SPAG16: variants seen among roughly 807,000 people sequenced by gnomAD.
SPAG16 encodes sperm associated antigen 16, also known as sperm-associated antigen 16 protein.
SPAG16 carries 86 observed loss-of-function variants against 80.4 expected under a neutral mutation model. That is an observed-to-expected ratio of 1.07 (90% CI 0.90 to 1.28). The LOEUF (loss-of-function observed/expected upper bound fraction) is 1.28, where lower values mean the gene tolerates loss of function less well. SPAG16 is among the 50% of genes most tolerant of loss of function. The pLI is 0.00. For synonymous variants in SPAG16, 294 were observed against 265.9 expected, an observed-to-expected ratio of 1.11 and a Z score of -1.03; for missense variants, 870 against 765.3, an observed-to-expected ratio of 1.14 and a Z score of -1.61.
At chr2:213,436,541 G>C (rs1468175821) in intron 9 of SPAG16, among the ~76,000 whole-genome samples, 1 of 151,898 alleles carries the variant, frequency 6.6e-6, no homozygotes, top group Non-Finnish European at 1.5e-5. Flanking sequence ...TCAATGTATT[G>C]TCCAGTCAAG....
At chr2:214,200,936 T>C (rs956035646) in intron 15 of SPAG16, among the ~76,000 whole-genome samples, 1 of 152,162 alleles carries the variant, frequency 6.6e-6, no homozygotes, top group Admixed American at 6.5e-5. Context: ...TGGGAAGACA[T>C]TGTCTGAGAC....
chr2:214,370,693 A>G (rs1258875941), intron 15 of SPAG16, among the ~76,000 whole-genome samples: 4 of 152,200 alleles, frequency 2.6e-5, no homozygotes, highest in Admixed American at 6.6e-5. Context: ...GCATTCATAG[A>G]AGCAGAGAGC....
intron 5 of SPAG16, among the ~76,000 whole-genome samples, chr2:213,324,988 T>A (rs1313225083): frequency 6.6e-6 from 1 of 152,122 alleles, no homozygotes; most frequent in African/African-American, 2.4e-5. Context: ...TGTATACAAA[T>A]GATATTAAAC....
chr2:213,756,176 T>TA (rs1041322727), intron 10 of SPAG16, among the ~76,000 whole-genome samples: 41 of 151,496 alleles, frequency 2.7e-4, no homozygotes, highest in African/African-American at 5.3e-4. Flanking sequence ...CAATAGGTGT[T>TA]AAAAAAAAGA....
chr2:213,803,780 C>A (rs534736786), intron 10 of SPAG16, among the ~76,000 whole-genome samples: 1 of 152,166 alleles, frequency 6.6e-6, no homozygotes, highest in Non-Finnish European at 1.5e-5. Context: ...CTCTGTCACC[C>A]AGGCTGGAGC....
chr2:213,919,427 T>C (rs148870422), intron 11 of SPAG16, among the ~76,000 whole-genome samples: 2,707 of 152,354 alleles, frequency 0.018, 84 homozygotes, highest in African/African-American at 0.062. Context: ...CATTTAGTGC[T>C]ATAAATTTTC....
chr2:213,561,413 AAG>A (rs2059594742), intron 10 of SPAG16, among the ~76,000 whole-genome samples: 1 of 152,216 alleles, frequency 6.6e-6, no homozygotes, highest in Non-Finnish European at 1.5e-5. Flanking sequence ...TAAAATAACT[AAG>A]AGTATATTGG....
intron 15 of SPAG16, among the ~76,000 whole-genome samples, chr2:214,380,160 A>G (rs1259089917): frequency 6.6e-6 from 1 of 152,176 alleles, no homozygotes; most frequent in Non-Finnish European, 1.5e-5. Context: ...AATTACAGAA[A>G]ACTTTTCCTT....
At chr2:213,930,630 G>A (rs2078707851) in intron 12 of SPAG16, among the ~76,000 whole-genome samples, 1 of 152,116 alleles carries the variant, frequency 6.6e-6, no homozygotes. Context: ...GTAGGAAATA[G>A]TATACTGTAT....
chr2:214,185,495 AAAAAAAAGTCTAC>A (rs1309060396), intron 15 of SPAG16, among the ~76,000 whole-genome samples: 2 of 152,148 alleles, frequency 1.3e-5, no homozygotes, highest in Middle Eastern at 6.3e-3. Flanking sequence ...TATGTGATAA[AAAAAAAAGTCTAC>A]AGAATGATGA....
At chr2:213,981,873 A>T (rs2045765075) in intron 12 of SPAG16, among the ~76,000 whole-genome samples, 1 of 149,440 alleles carries the variant, frequency 6.7e-6, no homozygotes, top group Non-Finnish European at 1.5e-5. Flanking sequence ...TCCGAATTTA[A>T]TTCATGAAGG....
intron 12 of SPAG16, among the ~76,000 whole-genome samples, chr2:214,005,249 T>G (rs1283646425): frequency 6.6e-6 from 1 of 152,172 alleles, no homozygotes; most frequent in African/African-American, 2.4e-5. Flanking sequence ...AATGTTTCAG[T>G]TGACTATTTA....
intron 10 of SPAG16, among the ~76,000 whole-genome samples, chr2:213,535,849 T>C (rs2076227518): frequency 1.3e-5 from 2 of 152,188 alleles, no homozygotes; most frequent in African/African-American, 2.4e-5. Context: ...TCTACTTGTA[T>C]GTAATAAATG....
intron 10 of SPAG16, among the ~76,000 whole-genome samples, chr2:213,705,716 C>G (rs1366633909): frequency 6.6e-6 from 1 of 152,052 alleles, no homozygotes; most frequent in Non-Finnish European, 1.5e-5. Flanking sequence ...TTTATCTAGT[C>G]TTTTGAAAGA....
chr2:214,402,121 A>G (rs1559274333), intron 15 of SPAG16, among the ~76,000 whole-genome samples: 2 of 152,000 alleles, frequency 1.3e-5, no homozygotes, highest in South Asian at 4.1e-4. Flanking sequence ...TATATTAACT[A>G]GTGTTGTGAA....
At chr2:214,130,874 C>T (rs2054729841) in intron 14 of SPAG16, among the ~76,000 whole-genome samples, 1 of 152,110 alleles carries the variant, frequency 6.6e-6, no homozygotes, top group African/African-American at 2.4e-5. Context: ...AAGGAACTTC[C>T]ATTTCTCCTT....
chr2:214,006,190 C>T lies in SPAG16; in HGVS notation c.1401-7761C>T, dbSNP rs142905288. ...ATCAATGTTTCATAATTCTATTAGC[C>T]ACATTTTGTTGACCTGCATATTCCT... On this transcript the variant is annotated intron_variant, in intron 12 of 15. Transcript: ENST00000331683. Among the ~76,000 whole-genome samples, 191 of 152,104 alleles carry T rather than the reference C, an allele frequency of 1.3e-3. 1 individual carries two copies. The highest frequency in any genetic ancestry group is 4.3e-3 in the African/African-American group (179 of 41,494).
intron 15 of SPAG16, among the ~76,000 whole-genome samples, chr2:214,181,163 G>T (rs1241161316): frequency 6.6e-6 from 1 of 151,728 alleles, no homozygotes; most frequent in East Asian, 1.9e-4. Flanking sequence ...GCTTAACAGA[G>T]AACATCTGAG....
chr2:213,509,567 G>A (rs111256505), intron 10 of SPAG16, among the ~76,000 whole-genome samples: 9,153 of 152,096 alleles, frequency 0.06, 424 homozygotes, highest in East Asian at 0.14. Context: ...CAAAATGTAC[G>A]GGATATAATC....
Sources: allele counts gnomAD v4.1 joint callset (sites outside exome capture counted in the v4.1 genomes callset), GRCh38; gene constraint gnomAD v4.1.1; transcripts MANE v1.5; gene names NCBI Gene and HGNC (gene_info 2026-07-23, HGNC 2026-07-21).